Variants in RIOX2 observed in about 807,000 individuals in gnomAD.
RIOX2 encodes the protein 60S ribosomal protein L27a histidine hydroxylase.
A neutral mutation model predicts 51.2 loss-of-function variants in RIOX2; 43 were observed. The ratio of observed to expected loss-of-function variants is 0.84; its 90% CI spans 0.66 to 1.08. RIOX2 has a LOEUF of 1.08. Among genes scored for constraint, RIOX2 ranks in the 50% least tolerant of loss-of-function variants. The pLI, the probability that RIOX2 is intolerant of heterozygous loss-of-function variation, is 0.00. For missense variants in RIOX2, 566 were observed against 561.7 expected (o/e 1.01, Z -0.08); for synonymous variants, 226 against 218.5 (o/e 1.03, Z -0.30).
In RIOX2 at chr3:97,947,467, G is replaced by A. The variant is rs2040393230; in HGVS notation, c.1061-18C>T. The stretch of plus-strand genomic sequence containing the variant: ...CTTTCCACCTAGAAAACCCCAAAGA[G>A]AGAAAGCCGACCTTCAAAAAAGGAA... On this transcript the variant is annotated intron_variant, in intron 7 of 9. Coordinates refer to ENST00000394198, the MANE Select transcript of RIOX2 (RefSeq NM_153182.4). 6.2e-7 allele frequency: 1 copy of A among 1,603,426 alleles called. No individual in the cohort carries two copies. The highest frequency in any genetic ancestry group is 8.5e-7 in the Non-Finnish European group (1 of 1,171,468).
intron 2 of RIOX2, among the ~76,000 whole-genome samples, chr3:97,964,578 C>A (rs1705805784): frequency 6.6e-6 from 1 of 151,058 alleles, no homozygotes; most frequent in Non-Finnish European, 1.5e-5. Context: ...CACCTGTAAT[C>A]CCAGCTACTC....
Position 97,943,618 on chromosome 3 carries a change from G to A in RIOX2, c.*1566C>T, listed in dbSNP as rs1172593201. 2.9e-5 allele frequency: 9 copies of A among 308,204 alleles called. No homozygotes were observed. The Admixed American group carries it at 3.3e-4, about 11-fold the overall frequency. The allele number at this position is 308,204 out of a possible 1,614,324, so 19.1% of individuals were successfully genotyped here. ...TTATTTTCTCTCATATCCACCAAACGTGAATCCTGTTCCTGATGGCCCGTT... is the reference window on the plus strand; with the variant it reads ...TTATTTTCTCTCATATCCACCAAACATGAATCCTGTTCCTGATGGCCCGTT... On this transcript the variant is annotated 3_prime_UTR_variant, in exon 10 of 10. Transcript: ENST00000394198.
chr3:97,963,599 T>C (rs1159525415), intron 2 of RIOX2, among the ~76,000 whole-genome samples: 5 of 152,216 alleles, frequency 3.3e-5, no homozygotes, highest in African/African-American at 1.2e-4. Flanking sequence ...TAATTATTTT[T>C]ATATAGTAAC....
chr3:97,942,154 T>C lies in RIOX2; in HGVS notation c.*3030A>G, dbSNP rs966464113. 4 of 672,668 alleles carry C rather than the reference T, an allele frequency of 5.9e-6. No individual in the cohort carries two copies. The African/African-American group carries it at 7.3e-5, about 12-fold the overall frequency. The allele number at this position is 672,668 out of a possible 1,614,324, so 41.7% of individuals were successfully genotyped here. A position where few individuals can be genotyped will look rare whatever the true frequency, so the allele number is the denominator to read the frequency against. On this transcript the variant is annotated 3_prime_UTR_variant, in exon 10 of 10. Transcript: ENST00000394198. ...AAAGGCTTACTGAAATTATACTATATAGTATTTTTTTAGATAAGACACACA... is the reference window on the plus strand; with the variant it reads ...AAAGGCTTACTGAAATTATACTATACAGTATTTTTTTAGATAAGACACACA...
chr3:97,946,920 G>C (rs2040380760), intron 8 of RIOX2, among the ~76,000 whole-genome samples: 1 of 151,882 alleles, frequency 6.6e-6, no homozygotes, highest in African/African-American at 2.4e-5. Flanking sequence ...GGAATCACTG[G>C]GCTAGGAAGC....
At chr3:97,967,118 T>G in intron 2 of RIOX2, 44 bp downstream of exon 2, 1 of 1,575,882 alleles carries the variant, frequency 6.3e-7, no homozygotes, top group African/African-American at 1.3e-5. Flanking sequence ...CAAATGTTAG[T>G]ACTTTAAAAT....
intron 5 of RIOX2, 110 bp downstream of exon 5, chr3:97,954,282 G>A (rs1705373810): frequency 4.1e-6 from 3 of 733,084 alleles, no homozygotes; most frequent in Non-Finnish European, 7.3e-6. Flanking sequence ...TAAACCCTGG[G>A]GTTTGCATAG....
At chr3:97,953,356 G>T (rs1174134836) in intron 5 of RIOX2, among the ~76,000 whole-genome samples, 1 of 151,690 alleles carries the variant, frequency 6.6e-6, no homozygotes, top group Non-Finnish European at 1.5e-5. Flanking sequence ...GTACATATTT[G>T]TTTAACACAT....
At chr3:97,945,727 C>T in intron 9 of RIOX2, 71 bp downstream of exon 9, 1 of 1,214,448 alleles carries the variant, frequency 8.2e-7, no homozygotes. Flanking sequence ...ACCTGTAAAT[C>T]AAAAATAATC....
At chr3:97,957,740 C>T (rs1055390834) in intron 4 of RIOX2, among the ~76,000 whole-genome samples, 2 of 152,090 alleles carry the variant, frequency 1.3e-5, no homozygotes, top group Non-Finnish European at 2.9e-5. Flanking sequence ...TAACTCAGCC[C>T]TGACTTCCGA....
Position 97,945,315 on chromosome 3 carries a change from G to A in RIOX2, c.1267C>T (p.His423Tyr), listed in dbSNP as rs142172995. The A allele has an allele frequency of 1.9e-6, 3 of 1,611,862 alleles. No individual in the cohort carries two copies. The highest frequency in any genetic ancestry group is 2.5e-6 in the Non-Finnish European group (3 of 1,178,718). The part of the protein sequence containing the change: ...EFHGLRFPLS[H>Y]LDALKQIWNS... ...CAAATTTGCTTCAGTGCATCCAAAT[G>A]TGACAAAGGGAAGCGAAGTCCATGA... is the stretch of plus-strand genomic sequence containing the variant. Residue 423 changes from histidine to tyrosine, a missense_variant, in exon 10 of 10, where the codon CAT becomes TAT. Coordinates refer to ENST00000394198, the MANE Select transcript of RIOX2 (RefSeq NM_153182.4).
intron 5 of RIOX2, 187 bp from the exon 6 acceptor site, chr3:97,951,075 T>G (rs911897957): frequency 2.9e-5 from 16 of 543,642 alleles, no homozygotes; most frequent in African/African-American, 5.7e-5. Flanking sequence ...TCAACCACCC[T>G]GTTTCCTCCC....
Position 97,942,360 on chromosome 3 carries a change from G to A in RIOX2, c.*2824C>T. ...AAAGTAGCTCTATGGACTGAACATG[G>A]GCAATTCAGGCAGAAGTGGAGACTG... On this transcript the variant is annotated 3_prime_UTR_variant, in exon 10 of 10. Coordinates refer to ENST00000394198, the MANE Select transcript of RIOX2 (RefSeq NM_153182.4). The A allele has an allele frequency of 6.2e-7, 1 of 1,611,838 alleles. No individual in the cohort carries two copies. The highest frequency in any genetic ancestry group is 8.5e-7 in the Non-Finnish European group (1 of 1,178,582).
chr3:97,966,850 C>G (rs895768874), intron 2 of RIOX2, among the ~76,000 whole-genome samples: 2 of 152,198 alleles, frequency 1.3e-5, no homozygotes, highest in African/African-American at 4.8e-5. Flanking sequence ...CATAAACTGG[C>G]TCACAGAACA....
rs978581726 is a variant in RIOX2 at position 97,942,148 on chromosome 3, A to G, written c.*3036T>C. ...ATTAAAAAAGGCTTACTGAAATTAT[A>G]CTATATAGTATTTTTTTAGATAAGA... On this transcript the variant is annotated 3_prime_UTR_variant, in exon 10 of 10. Transcript: ENST00000394198. The G allele has an allele frequency of 1.6e-6, 1 of 621,098 alleles. No individual in the cohort carries two copies. 38.5% of individuals were successfully genotyped at this position (621,098 alleles called of 1,614,324 possible). A position where few individuals can be genotyped will look rare whatever the true frequency, so the allele number is the denominator to read the frequency against.
intron 8 of RIOX2, among the ~76,000 whole-genome samples, chr3:97,946,611 T>TATA (rs2040372691): frequency 6.8e-6 from 1 of 146,826 alleles, no homozygotes; most frequent in African/African-American, 2.5e-5. Flanking sequence ...TATATATCTA[T>TATA]TCATGTATAT....
chr3:97,946,586 G>A (rs866390298), intron 8 of RIOX2, among the ~76,000 whole-genome samples: 3 of 127,608 alleles, frequency 2.4e-5, no homozygotes, highest in Admixed American at 7.7e-5. Flanking sequence ...TTTTGAGGAT[G>A]TATATATATA....
rs200227709 is a variant in RIOX2, at chr3:97,943,228, G to A, written c.*1956C>T. 8 of 1,542,646 alleles carry A rather than the reference G, an allele frequency of 5.2e-6. No individual in the cohort carries two copies. The South Asian group carries it at 7.0e-5, about 13-fold the overall frequency. Reference sequence around the variant, plus strand: ...TTCTTTTGGAATTTCTATTTTAGGAGGAAATTATTGTGACAAGACTCATGT... The same window carrying A: ...TTCTTTTGGAATTTCTATTTTAGGAAGAAATTATTGTGACAAGACTCATGT... On this transcript the variant is annotated 3_prime_UTR_variant, in exon 10 of 10. Transcript: ENST00000394198.
chr3:97,959,996 A>T (rs549585458), intron 3 of RIOX2, among the ~76,000 whole-genome samples: 10 of 152,330 alleles, frequency 6.6e-5, no homozygotes, highest in African/African-American at 2.4e-4. Context: ...TATTGCCACG[A>T]GCTCAAGTGT....
Sources: allele counts gnomAD v4.1 joint callset (sites outside exome capture counted in the v4.1 genomes callset), GRCh38; gene constraint gnomAD v4.1.1; transcripts MANE v1.5; gene names NCBI Gene and HGNC (gene_info 2026-07-23, HGNC 2026-07-21).